The following NDST4 variants were observed in gnomAD, a reference collection of about 807,000 sequenced individuals.
NDST4 encodes the protein N-deacetylase and N-sulfotransferase 4.
Under a neutral mutation model 100.8 loss-of-function variants are expected in NDST4, and 63 were observed. That is an observed-to-expected ratio of 0.62 (90% confidence interval 0.51 to 0.77). NDST4 has a LOEUF of 0.77. Ranked by LOEUF, NDST4 falls within the 30% of genes least tolerant of loss-of-function variation. The probability of loss-of-function intolerance (pLI) is 0.00; values close to 1 mark genes in which losing one functional copy is unlikely to be tolerated. For missense variants in NDST4, 943 were observed against 1,018.4 expected (o/e 0.93, Z 1.01); for synonymous variants, 377 against 361.8 (o/e 1.04, Z -0.48).
chr4:115,027,062 C>T (rs995713722), intron 2 of NDST4, among the ~76,000 whole-genome samples: 1 of 152,096 alleles, frequency 6.6e-6, no homozygotes, highest in Non-Finnish European at 1.5e-5. Flanking sequence ...AAGTTGACAC[C>T]TTATCTATTG....
intron 7 of NDST4, among the ~76,000 whole-genome samples, chr4:114,869,265 C>T (rs1270562335): frequency 1.3e-5 from 2 of 151,308 alleles, no homozygotes; most frequent in East Asian, 3.9e-4. Context: ...AAAGTTTTTC[C>T]TTTTTTCTAC....
rs964802494 is a variant in NDST4, at chr4:114,937,353, G to A, written c.1372C>T (p.Arg458Trp). The change falls in exon 5 of 14, where the codon CGG (arginine) becomes TGG (tryptophan). Residue 458 changes from arginine (R) to tryptophan (W), a missense_variant. By Grantham distance (101) the Arg-to-Trp change is moderately radical. Around this residue, in one of 2 missense-constraint regions of NDST4, gnomAD observed 526 missense variants for 634.1 expected, o/e 0.83. Transcript: ENST00000264363. ...TTGTGAATGAAGCCCTTTCTGTACC[G>A]GGCAGGTTTCAGATGTGGATATTCT... ...TEEYPHLKPARYRKGFIHNSI... is the reference protein window; with the variant it reads ...TEEYPHLKPAWYRKGFIHNSI... 11 of 1,614,028 alleles carry A rather than the reference G, an allele frequency of 6.8e-6. No individual in the cohort carries two copies. Among genetic ancestry groups the A allele is most frequent in the East Asian group, 2.2e-5 (1 of 44,876 alleles).
chr4:114,871,921 T>G (rs1052738127), intron 6 of NDST4, among the ~76,000 whole-genome samples: 10 of 152,028 alleles, frequency 6.6e-5, no homozygotes, highest in Admixed American at 5.9e-4. Flanking sequence ...GTAAGGCTAA[T>G]ATAAGGTTAT....
chr4:114,898,671 G>T (rs545147463), intron 6 of NDST4, among the ~76,000 whole-genome samples: 2 of 152,200 alleles, frequency 1.3e-5, no homozygotes, highest in African/African-American at 4.8e-5. Flanking sequence ...ACACAAACAT[G>T]GAATAATTCT....
intron 1 of NDST4, among the ~76,000 whole-genome samples, chr4:115,096,083 T>C (rs1451412747): frequency 5.3e-5 from 8 of 151,924 alleles, no homozygotes; most frequent in Admixed American, 5.3e-4. Context: ...TTTTATATAC[T>C]CTCAAATCAT....
At position 114,986,813 on chromosome 4, in the gene NDST4, TA is replaced by T. The variant is rs1560845347; in HGVS notation, c.979-9540del. ...TTATACATATATATATATATATATATATATATATATATATATATATTTTAAT... is the reference window on the plus strand; with the variant it reads ...TTATACATATATATATATATATATATTATATATATATATATATATTTTAAT... On this transcript the variant is annotated intron_variant, in intron 2 of 13. Transcript: ENST00000264363. Among the ~76,000 whole-genome samples, 101 of 122,906 alleles carry T rather than the reference TA, an allele frequency of 8.2e-4. 3 individuals carry two copies. In the South Asian group the frequency reaches 0.015, roughly 19 times the overall value. 80.6% of individuals were successfully genotyped at this position (122,906 alleles called of 152,430 possible).
chr4:115,071,678 G>A (rs921251808), intron 2 of NDST4, among the ~76,000 whole-genome samples: 1 of 151,772 alleles, frequency 6.6e-6, no homozygotes, highest in Non-Finnish European at 1.5e-5. Flanking sequence ...CTAGAATTGG[G>A]GTAGAGTTTG....
At chr4:114,983,562 A>G (rs1037281208) in intron 2 of NDST4, among the ~76,000 whole-genome samples, 7 of 152,138 alleles carry the variant, frequency 4.6e-5, no homozygotes, top group East Asian at 1.9e-4. Flanking sequence ...CCTGCATTGT[A>G]TCTTGGAAGT....
chr4:115,112,134 T>C (rs1404279318), intron 1 of NDST4, among the ~76,000 whole-genome samples: 1 of 150,582 alleles, frequency 6.6e-6, no homozygotes, highest in Non-Finnish European at 1.5e-5. Context: ...ACAGAACCTA[T>C]GTGACACTGG....
intron 6 of NDST4, among the ~76,000 whole-genome samples, chr4:114,880,249 T>C (rs1724338221): frequency 6.6e-6 from 1 of 152,174 alleles, no homozygotes; most frequent in South Asian, 2.1e-4. Flanking sequence ...TGTTTTCTTT[T>C]AGTAGGCAAG....
intron 7 of NDST4, among the ~76,000 whole-genome samples, chr4:114,854,440 G>A (rs1410576147): frequency 2.0e-5 from 3 of 152,118 alleles, no homozygotes; most frequent in African/African-American, 7.2e-5. Flanking sequence ...ATAAATGTGG[G>A]AGTGCAGGTA....
chr4:115,101,052 C>T (rs1729720176), intron 1 of NDST4, among the ~76,000 whole-genome samples: 1 of 151,958 alleles, frequency 6.6e-6, no homozygotes, highest in Non-Finnish European at 1.5e-5. Context: ...AAAAAAAAAT[C>T]ACCCAAAGAC....
At chr4:115,048,170 T>TTTTGTTTTG (rs1216134966) in intron 2 of NDST4, among the ~76,000 whole-genome samples, 1 of 152,028 alleles carries the variant, frequency 6.6e-6, no homozygotes, top group Non-Finnish European at 1.5e-5. Flanking sequence ...AGGTTTTTAA[T>TTTTGTTTTG]TTTGTTTTGT....
chr4:114,939,744 A>T (rs1725708305), intron 4 of NDST4, among the ~76,000 whole-genome samples: 1 of 152,154 alleles, frequency 6.6e-6, no homozygotes. Context: ...AGTAAAAAAA[A>T]GTTACTATAT....
intron 12 of NDST4, among the ~76,000 whole-genome samples, chr4:114,831,149 T>G (rs1211143391): frequency 6.7e-6 from 1 of 149,736 alleles, no homozygotes; most frequent in Non-Finnish European, 1.5e-5. Context: ...GCTTCCCGGG[T>G]TCACGCCATT....
intron 2 of NDST4, among the ~76,000 whole-genome samples, chr4:115,053,905 TA>T (rs1012115211): frequency 1.2e-4 from 19 of 152,034 alleles, no homozygotes; most frequent in African/African-American, 4.6e-4. Context: ...TCTAAAAATC[TA>T]AAGGGTTATT....
chr4:114,842,270 C>A (rs1050975972), intron 10 of NDST4, among the ~76,000 whole-genome samples: 1 of 152,016 alleles, frequency 6.6e-6, no homozygotes, highest in African/African-American at 2.4e-5. Flanking sequence ...CAAACTATCA[C>A]CCTCTTTTCA....
At chr4:114,867,667 A>AAAAAAAAAAAAAAAAAAAAAAAAAAAAC (rs1560786349) in intron 7 of NDST4, among the ~76,000 whole-genome samples, 1 of 111,240 alleles carries the variant, frequency 9.0e-6, no homozygotes, top group Non-Finnish European at 1.8e-5. Context: ...AAAAAAAGCA[A>AAAAAAAAAAAAAAAAAAAAAAAAAAAAC]AAAAAAAAAA....
intron 6 of NDST4, among the ~76,000 whole-genome samples, chr4:114,916,580 GTGTT>G (rs1215669714): frequency 1.2e-4 from 16 of 136,296 alleles, no homozygotes; most frequent in African/African-American, 1.8e-4. Context: ...GTGTGTGTGT[GTGTT>G]TGTGTGTATG....
Sources: allele counts gnomAD v4.1 joint callset (sites outside exome capture counted in the v4.1 genomes callset), GRCh38; gene constraint gnomAD v4.1.1; regional missense constraint gnomAD v4.1.1; transcripts MANE v1.5; gene names NCBI Gene and HGNC (gene_info 2026-07-23, HGNC 2026-07-21).